Variants in TRAPPC11 observed in about 807,000 individuals in gnomAD.
TRAPPC11 encodes foie gras homolog.
TRAPPC11 carries 104 observed loss-of-function variants against 151.2 expected under a neutral mutation model. That is an observed-to-expected ratio of 0.69 (90% CI 0.59 to 0.81). The LOEUF (loss-of-function observed/expected upper bound fraction) is 0.81. Among genes scored for constraint, TRAPPC11 ranks in the 30% least tolerant of loss-of-function variants. The pLI is 0.00. For synonymous variants in TRAPPC11, 456 were observed against 472.3 expected (o/e 0.97, Z 0.45); for missense variants, 1,230 against 1,349.6 (o/e 0.91, Z 1.39).
Position 183,706,869 on chromosome 4 carries a change from A to G in TRAPPC11, c.3118A>G (p.Thr1040Ala). 6.2e-7 allele frequency: 1 copy of G among 1,614,104 alleles called. No individual in the cohort carries two copies. The highest frequency in any genetic ancestry group is 8.5e-7 in the Non-Finnish European group (1 of 1,180,006). Residue 1040 changes from threonine to alanine, a missense_variant, in exon 28 of 30, where the codon ACC becomes GCC. By Grantham distance (58) the Thr-to-Ala change is moderately conservative. Transcript: ENST00000334690. ...LPVKYHLQNK[T>A]DLVQDVEISV... is the part of the protein sequence containing the mutation. ...TGTCAAGTATCACCTACAGAATAAG[A>G]CCGACTTAGTTCAAGATGTAGAAAT...
chr4:183,682,973 T>G, intron 11 of TRAPPC11, 148 bp downstream of exon 11: 1 of 630,004 alleles, frequency 1.6e-6, no homozygotes, highest in South Asian at 2.0e-5. Context: ...TTTAGAATGC[T>G]TTGTATGTAT....
At position 183,706,813 on chromosome 4, in the gene TRAPPC11, C is replaced by T. The variant is rs371103166; in HGVS notation, c.3062C>T (p.Pro1021Leu). 9.9e-6 allele frequency: 16 copies of T among 1,612,158 alleles called. No homozygotes were observed. The highest frequency in any genetic ancestry group is 4.4e-5 in the South Asian group (4 of 90,864). The change falls in exon 28 of 30, where the codon CCG (proline) becomes CTG (leucine). Residue 1021 changes from proline (P) to leucine (L), a missense_variant. Coordinates refer to ENST00000334690, the MANE Select transcript of TRAPPC11 (RefSeq NM_021942.6). ...NIPLHVNADL[P>L]SFGRVRESLP... ...GTGTCATCTTTCTCTGTAGATCTGC[C>T]GTCATTTGGGCGTGTCAGAGAGTCG...
Position 183,664,009 on chromosome 4 carries a change from C to T in TRAPPC11, c.142C>T (p.Arg48Ter), listed in dbSNP as rs150331292. Reference protein sequence around the residue: ...DAFCANRRADRVPISFKVLPG... With the variant: ...DAFCANRRAD ...CTTCTGTGCAAATCGGAGAGCTGAT[C>T]GAGTACCAATTTCTTTCAAGGTGCT... The change falls in exon 2 of 30, where the codon CGA (arginine) becomes TGA (stop). Residue 48 changes from arginine (R) to a stop codon, truncating the protein, a stop_gained. Transcript: ENST00000334690. LOFTEE classifies it high-confidence loss of function. The T allele has an allele frequency of 3.7e-6, 6 of 1,613,860 alleles. No homozygotes were observed. Among genetic ancestry groups the T allele is most frequent in the East Asian group, 2.2e-5 (1 of 44,856 alleles).
chr4:183,664,615 T>C (rs1027802071), intron 2 of TRAPPC11, among the ~76,000 whole-genome samples: 2 of 152,172 alleles, frequency 1.3e-5, no homozygotes, highest in Non-Finnish European at 2.9e-5. Context: ...GTGAACGACA[T>C]AGTAAAGACG....
chr4:183,675,288 CAT>C (rs756183488), intron 7 of TRAPPC11, 51 bp downstream of exon 7: 24 of 1,164,762 alleles, frequency 2.1e-5, no homozygotes, highest in South Asian at 1.7e-4. Context: ...TTAACAATAA[CAT>C]GTGATGGAAA....
chr4:183,679,722 C>G (rs935533085), intron 9 of TRAPPC11, among the ~76,000 whole-genome samples: 1 of 152,126 alleles, frequency 6.6e-6, no homozygotes, highest in Non-Finnish European at 1.5e-5. Context: ...TTTATTGAGT[C>G]TCTACCATAT....
chr4:183,709,758 G>A (rs1737249880), intron 29 of TRAPPC11, among the ~76,000 whole-genome samples: 1 of 152,210 alleles, frequency 6.6e-6, no homozygotes, highest in Non-Finnish European at 1.5e-5. Context: ...CTGGGCAACA[G>A]AGCGAGACAC....
chr4:183,699,508 A>G (rs1055664351), intron 25 of TRAPPC11, among the ~76,000 whole-genome samples: 1 of 152,200 alleles, frequency 6.6e-6, no homozygotes, highest in African/African-American at 2.4e-5. Context: ...GTACTTAGCT[A>G]ATAAGTGTTT....
rs140962622 is a variant in TRAPPC11, at chr4:183,688,412, CA to C, written c.1893+1665del. Among the ~76,000 whole-genome samples the C allele has an allele frequency of 1.3e-3, 196 of 152,278 alleles. 5 individuals carry two copies. In the East Asian group the frequency reaches 0.034, roughly 26 times the overall value. ...CTGGGAAAGTCACACCTCACTAGAA[CA>C]GAGGGTTTATAATGCTGGGTGGTGG... is the stretch of plus-strand genomic sequence containing the variant. On this transcript the variant is annotated intron_variant, in intron 18 of 29. Transcript: ENST00000334690.
chr4:183,662,086 G>A (rs1447584818), intron 1 of TRAPPC11, among the ~76,000 whole-genome samples: 2 of 151,902 alleles, frequency 1.3e-5, no homozygotes, highest in African/African-American at 2.4e-5. Context: ...TAATATGCTG[G>A]TATAGATTAT....
chr4:183,677,680 T>C (rs1372317244), intron 8 of TRAPPC11, 126 bp downstream of exon 8: 1 of 614,604 alleles, frequency 1.6e-6, no homozygotes. Flanking sequence ...TGATCTCCCC[T>C]TTTATATCCT....
intron 5 of TRAPPC11, among the ~76,000 whole-genome samples, chr4:183,671,311 A>G (rs1405507696): frequency 2.6e-5 from 4 of 152,224 alleles, no homozygotes; most frequent in African/African-American, 9.6e-5. Flanking sequence ...TCGTCTTTCC[A>G]TAAATTAAAA....
At chr4:183,674,897 T>G (rs1170136136) in intron 6 of TRAPPC11, 85 bp downstream of exon 6, 1 of 819,922 alleles carries the variant, frequency 1.2e-6, no homozygotes, top group Non-Finnish European at 1.9e-6. Flanking sequence ...CTTAATACTT[T>G]AATGTTTTAA....
At position 183,706,801 on chromosome 4, in the gene TRAPPC11, CTG is replaced by C. The variant is rs1416626419; in HGVS notation, c.3056-4_3056-3del. The C allele has an allele frequency of 1.2e-6, 2 of 1,610,114 alleles. No individual in the cohort carries two copies. Among genetic ancestry groups the C allele is most frequent in the African/African-American group, 2.7e-5 (2 of 74,780 alleles). ...ACCAAGAGAAGTGTGTCATCTTTCT[CTG>C]TAGATCTGCCGTCATTTGGGCGTGT... On this transcript the variant is annotated splice_polypyrimidine_tract_variant and splice_region_variant and intron_variant, in intron 27 of 29. Coordinates refer to ENST00000334690, the MANE Select transcript of TRAPPC11 (RefSeq NM_021942.6).
chr4:183,706,485 T>A lies in TRAPPC11; in HGVS notation c.3056-322T>A, dbSNP rs189150227. Among the ~76,000 whole-genome samples the A allele has an allele frequency of 1.1e-4, 17 of 149,566 alleles. No homozygotes were observed. In the South Asian group the frequency reaches 2.7e-3, roughly 24 times the overall value. On this transcript the variant is annotated intron_variant, in intron 27 of 29. Coordinates refer to ENST00000334690, the MANE Select transcript of TRAPPC11 (RefSeq NM_021942.6). ...TTGCAGTGAGCCGAGATAGCACCAC[T>A]GCACTCCAGCCTGGGTGAAAGAGCG...
Position 183,686,604 on chromosome 4 carries a change from T to A in TRAPPC11, c.1763-14T>A. On this transcript the variant is annotated splice_polypyrimidine_tract_variant and intron_variant, in intron 17 of 29. Transcript: ENST00000334690. The stretch of plus-strand genomic sequence containing the variant: ...CTGGTTGTGCATAACACAGCCCTTT[T>A]GTTTTATTTCTAGTGCAGTGCAAAG... 6.2e-7 allele frequency: 1 copy of A among 1,613,168 alleles called. No individual in the cohort carries two copies. Among genetic ancestry groups the A allele is most frequent in the Non-Finnish European group, 8.5e-7 (1 of 1,179,568 alleles).
At chr4:183,712,199 A>G (rs1316317555) in intron 29 of TRAPPC11, among the ~76,000 whole-genome samples, 1 of 152,218 alleles carries the variant, frequency 6.6e-6, no homozygotes, top group African/African-American at 2.4e-5. Flanking sequence ...GGCCCTGAGC[A>G]AGAGAGAGAG....
intron 1 of TRAPPC11, among the ~76,000 whole-genome samples, chr4:183,659,923 T>TG (rs1265975225): frequency 7.3e-6 from 1 of 136,912 alleles, no homozygotes; most frequent in Non-Finnish European, 1.6e-5. Context: ...CATTAGGTTT[T>TG]GGGGTTTTTT....
rs1364627585 is a variant in TRAPPC11 at position 183,701,691 on chromosome 4, C to T, written c.2852-6C>T. ...GCATAAGGAATATAAAGACTTTTCC[C>T]TGTAGTTATCTTACAGACTGGAGAG... On this transcript the variant is annotated splice_region_variant and splice_polypyrimidine_tract_variant and intron_variant, in intron 25 of 29. Coordinates refer to ENST00000334690, the MANE Select transcript of TRAPPC11 (RefSeq NM_021942.6). 6.3e-7 allele frequency: 1 copy of T among 1,596,894 alleles called. No homozygotes were observed. The highest frequency in any genetic ancestry group is 1.3e-5 in the African/African-American group (1 of 74,676).
Sources: gnomAD v4.1 joint callset for allele counts (sites outside exome capture counted in the v4.1 genomes callset) on GRCh38, gnomAD v4.1.1 for gene constraint, MANE v1.5 for transcripts, NCBI Gene and HGNC (gene_info 2026-07-23, HGNC 2026-07-21) for gene names.